Variants in WWC1 observed in about 807,000 individuals in gnomAD.
WWC1 encodes WW and C2 domain containing 1, also known as protein KIBRA.
In WWC1, 55 loss-of-function variants were observed where a neutral mutation model predicts 138.4. The ratio of observed to expected loss-of-function variants is 0.40; its 90% confidence interval spans 0.32 to 0.50. The LOEUF (loss-of-function observed/expected upper bound fraction) is 0.50, where lower values mean the gene tolerates loss of function less well. WWC1 is among the 20% of genes least tolerant of loss of function. WWC1 has a pLI of 0.72. For missense variants in WWC1, 1,226 were observed against 1,420.4 expected, an observed-to-expected ratio of 0.86 and a Z score of 2.20; for synonymous variants, 524 against 564.9, an observed-to-expected ratio of 0.93 and a Z score of 1.03.
intron 1 of WWC1, among the ~76,000 whole-genome samples, chr5:168,294,988 G>A (rs564542154): frequency 1.1e-4 from 17 of 152,278 alleles, no homozygotes; most frequent in Non-Finnish European, 4.4e-5. Flanking sequence ...GGACTGGGGT[G>A]GTATTGGGCC....
At chr5:168,444,366 G>C (rs1172503521) in intron 16 of WWC1, 128 bp from the exon 17 acceptor site, 11 of 922,708 alleles carry the variant, frequency 1.2e-5, no homozygotes, top group Non-Finnish European at 1.6e-6. Context: ...CAAGACACTT[G>C]ACCACTCTGG....
In WWC1 at chr5:168,367,525, G is replaced by T. The variant is rs1776396862; in HGVS notation, c.120-3899G>T. On this transcript the variant is annotated intron_variant, in intron 1 of 22. Coordinates refer to ENST00000265293, the MANE Select transcript of WWC1 (RefSeq NM_015238.3). ...TTTTTGTATTTTTAGTAGAGAAGGG[G>T]TTTCACCGTGGTCTCGATCTCCTGA... Among the ~76,000 whole-genome samples, 4 of 66,416 alleles carry T rather than the reference G, an allele frequency of 6.0e-5. No homozygotes were observed. In the South Asian group the frequency reaches 2.5e-3, roughly 42 times the overall value. The allele number at this position is 66,416 out of a possible 152,430, so 43.6% of individuals were successfully genotyped here. A position where few individuals can be genotyped will look rare whatever the true frequency, so the allele number is the denominator to read the frequency against.
At chr5:168,375,733 C>A (rs934595356) in intron 2 of WWC1, among the ~76,000 whole-genome samples, 58 of 152,012 alleles carry the variant, frequency 3.8e-4, no homozygotes, top group African/African-American at 1.4e-3. Flanking sequence ...CGCCACCACG[C>A]CCAGCTCATT....
intron 18 of WWC1, 50 bp downstream of exon 18, chr5:168,454,150 A>G (rs1259620109): frequency 2.5e-6 from 4 of 1,592,180 alleles, no homozygotes; most frequent in Non-Finnish European, 3.4e-6. Context: ...AGGAACCTTC[A>G]ATCCTTGTGC....
chr5:168,460,827 T>C, intron 20 of WWC1, 85 bp downstream of exon 20: 3 of 1,366,198 alleles, frequency 2.2e-6, no homozygotes, highest in East Asian at 2.4e-5. Context: ...CATCTCCTAA[T>C]GTCTGGCCAT....
chr5:168,404,399 G>A (rs1402697695), intron 5 of WWC1, among the ~76,000 whole-genome samples: 4 of 152,206 alleles, frequency 2.6e-5, no homozygotes, highest in Non-Finnish European at 5.9e-5. Flanking sequence ...GCCGAGGCCC[G>A]AGTCCTGGAA....
intron 17 of WWC1, among the ~76,000 whole-genome samples, chr5:168,445,659 G>A (rs140845110): frequency 0.043 from 5,721 of 134,184 alleles, 161 homozygotes; most frequent in Non-Finnish European, 0.057. Context: ...CCGAGATTGC[G>A]CCACTGCACT....
rs118191385 is a variant in WWC1 at position 168,297,003 on chromosome 5, G to A, written c.119+4732G>A. Among the ~76,000 whole-genome samples, 76 of 152,306 alleles carry A rather than the reference G, an allele frequency of 5.0e-4. No individual in the cohort carries two copies. The East Asian group carries it at 0.013, about 26-fold the overall frequency. On this transcript the variant is annotated intron_variant, in intron 1 of 22. Coordinates refer to ENST00000265293, the MANE Select transcript of WWC1 (RefSeq NM_015238.3). ...GGCAAATGTAGATAAGTGAGTCTTTGGCTCCTGGAATCTTGGATCTGCCAC... is the reference window on the plus strand; with the variant it reads ...GGCAAATGTAGATAAGTGAGTCTTTAGCTCCTGGAATCTTGGATCTGCCAC...
chr5:168,441,771 G>T lies in WWC1; in HGVS notation c.2370G>T (p.Lys790Asn), dbSNP rs776384154. ...ACCTTCTCAGCTACAAATACTTGAAGAAACAGAGCAGGGAGCTCAAGCCAG... is the reference window on the plus strand; with the variant it reads ...ACCTTCTCAGCTACAAATACTTGAATAAACAGAGCAGGGAGCTCAAGCCAG... ...WYNLLSYKYL[K>N]KQSRELKPVG... Residue 790 changes from lysine (K) to asparagine (N), a missense_variant, in exon 16 of 23, where the codon AAG (lysine) becomes AAT (asparagine). Physicochemically the swap from Lys to Asn is moderately conservative, Grantham distance 94 (BLOSUM62 0). Around this residue, in one of 3 missense-constraint regions of WWC1, gnomAD observed 1,016 missense variants for 1,153.9 expected, o/e 0.88. Coordinates refer to ENST00000265293, the MANE Select transcript of WWC1 (RefSeq NM_015238.3). 3.5e-5 allele frequency: 56 copies of T among 1,614,074 alleles called. No homozygotes were observed. The highest frequency in any genetic ancestry group is 4.5e-5 in the Non-Finnish European group (53 of 1,180,028).
intron 13 of WWC1, among the ~76,000 whole-genome samples, chr5:168,429,318 G>C (rs1360561726): frequency 1.3e-5 from 2 of 148,558 alleles, no homozygotes; most frequent in African/African-American, 5.0e-5. Context: ...GAGTGCAGTG[G>C]TGTGATCTCA....
chr5:168,410,101 C>G (rs1780110344), intron 8 of WWC1, 106 bp downstream of exon 8: 4 of 1,102,148 alleles, frequency 3.6e-6, no homozygotes, highest in African/African-American at 3.1e-5. Flanking sequence ...TTCTTTAATC[C>G]TCACAAAGAT....
At chr5:168,445,404 A>T (rs1032334355) in intron 17 of WWC1, among the ~76,000 whole-genome samples, 2 of 151,236 alleles carry the variant, frequency 1.3e-5, no homozygotes, top group Non-Finnish European at 2.9e-5. Flanking sequence ...AAAAATTTTT[A>T]AAATAATGGG....
intron 1 of WWC1, among the ~76,000 whole-genome samples, chr5:168,359,892 A>G (rs1775755361): frequency 1.3e-5 from 2 of 152,150 alleles, no homozygotes; most frequent in African/African-American, 4.8e-5. Flanking sequence ...CAGCCTTGTT[A>G]TAAAGACCCA....
chr5:168,339,806 T>TCTTTCTTTCTTTC (rs1773819989), intron 1 of WWC1, among the ~76,000 whole-genome samples: 1 of 142,618 alleles, frequency 7.0e-6, no homozygotes, highest in African/African-American at 2.9e-5. Context: ...TTCTTTTTGT[T>TCTTTCTTTCTTTC]TTTCTTTCTT....
chr5:168,405,884 G>A (rs1288080610), intron 5 of WWC1, among the ~76,000 whole-genome samples: 2 of 151,988 alleles, frequency 1.3e-5, no homozygotes, highest in Non-Finnish European at 1.5e-5. Context: ...GTGCCACCAT[G>A]CCCAGCTGAT....
intron 1 of WWC1, among the ~76,000 whole-genome samples, chr5:168,328,252 C>T (rs1772729213): frequency 6.6e-6 from 1 of 152,130 alleles, no homozygotes; most frequent in Non-Finnish European, 1.5e-5. Flanking sequence ...TAGAGACCAG[C>T]GAGCTAATCA....
intron 17 of WWC1, among the ~76,000 whole-genome samples, chr5:168,450,339 G>GA (rs899957314): frequency 2.0e-4 from 30 of 149,502 alleles, no homozygotes; most frequent in African/African-American, 3.2e-4. Flanking sequence ...TATTCATATG[G>GA]AAAAAAAAAA....
At chr5:168,324,345 A>G (rs1229437354) in intron 1 of WWC1, among the ~76,000 whole-genome samples, 1 of 152,300 alleles carries the variant, frequency 6.6e-6, no homozygotes, top group East Asian at 1.9e-4. Context: ...AGGCAGGAGA[A>G]TCGCTTGAAC....
At chr5:168,317,310 G>A (rs1356520366) in intron 1 of WWC1, among the ~76,000 whole-genome samples, 1 of 152,306 alleles carries the variant, frequency 6.6e-6, no homozygotes, top group Non-Finnish European at 1.5e-5. Flanking sequence ...GCGTTTGTCT[G>A]TGTGTCCTGA....
Sources: allele counts gnomAD v4.1 joint callset (sites outside exome capture counted in the v4.1 genomes callset), GRCh38; gene constraint gnomAD v4.1.1; regional missense constraint gnomAD v4.1.1; transcripts MANE v1.5; gene names NCBI Gene and HGNC (gene_info 2026-07-23, HGNC 2026-07-21).